The following PTBP2 variants were observed in gnomAD, a reference collection of about 807,000 sequenced individuals.
PTBP2 encodes the protein polypyrimidine tract-binding protein 2.
In PTBP2, 13 loss-of-function variants were observed where a neutral mutation model predicts 61.4. The ratio of observed to expected loss-of-function variants is 0.21; its 90% CI spans 0.14 to 0.34. The LOEUF (loss-of-function observed/expected upper bound fraction) is 0.34. Among genes scored for constraint, PTBP2 ranks in the 10% least tolerant of loss-of-function variants. PTBP2 has a pLI of 1.00. For missense variants in PTBP2, 405 were observed against 642.6 expected (o/e 0.63, Z 4.00); for synonymous variants, 215 against 218.5 (o/e 0.98, Z 0.14).
At chr1:96,796,656 A>G (rs901206346) in intron 8 of PTBP2, among the ~76,000 whole-genome samples, 2 of 152,184 alleles carry the variant, frequency 1.3e-5, no homozygotes, top group African/African-American at 4.8e-5. Context: ...CCCAGATGAA[A>G]GCATAGACAG....
intron 11 of PTBP2, among the ~76,000 whole-genome samples, chr1:96,809,027 T>C (rs538653868): frequency 6.6e-6 from 1 of 152,272 alleles, no homozygotes; most frequent in South Asian, 2.1e-4. Flanking sequence ...AAAACTTAAA[T>C]ACCTTTATTA....
At chr1:96,804,176 C>A (rs1557773569) in intron 8 of PTBP2, among the ~76,000 whole-genome samples, 1 of 152,068 alleles carries the variant, frequency 6.6e-6, no homozygotes, top group African/African-American at 2.4e-5. Context: ...TTCTTTCAAC[C>A]GGGAGAGTGT....
intron 3 of PTBP2, among the ~76,000 whole-genome samples, chr1:96,761,346 ATGTGTGTGTGTGTGTGTGTGTGTGTGTG>A (rs57451223): frequency 7.1e-6 from 1 of 140,480 alleles, no homozygotes; most frequent in African/African-American, 2.6e-5. Context: ...GTGGGATTTG[ATGTGTGTGTGTGTGTGTGTGTGTGTGTG>A]TGTGTGTGTG....
rs114464149 is a variant in PTBP2 at position 96,761,061 on chromosome 1, G to T, written c.116-8642G>T. 3.0e-3 allele frequency among the ~76,000 whole-genome samples: 458 copies of T among 152,294 alleles called. 3 individuals carry two copies. Among genetic ancestry groups the T allele is most frequent in the Non-Finnish European group, 5.7e-3 (386 of 68,026 alleles). The stretch of plus-strand genomic sequence containing the variant: ...CCAGACAGACCTGAAAGAGTACATA[G>T]TGTGATTCCATTTCTTGAAAGTTTA... On this transcript the variant is annotated intron_variant, in intron 3 of 13. Coordinates refer to ENST00000674951, the MANE Select transcript of PTBP2 (RefSeq NM_021190.4).
At chr1:96,801,715 GC>G (rs1661012806) in intron 8 of PTBP2, among the ~76,000 whole-genome samples, 1 of 151,698 alleles carries the variant, frequency 6.6e-6, no homozygotes, top group Non-Finnish European at 1.5e-5. Flanking sequence ...ACAAAAATTA[GC>G]CAGGCATGGT....
chr1:96,741,138 G>T (rs1652956417), intron 2 of PTBP2, among the ~76,000 whole-genome samples: 2 of 151,242 alleles, frequency 1.3e-5, no homozygotes, highest in Non-Finnish European at 2.9e-5. Context: ...GATATCTTGT[G>T]GTTTTAATTT....
Position 96,736,694 on chromosome 1 carries a change from CT to C in PTBP2, c.39+13107del, listed in dbSNP as rs559395818. On this transcript the variant is annotated intron_variant, in intron 2 of 13. Coordinates refer to ENST00000674951, the MANE Select transcript of PTBP2 (RefSeq NM_021190.4). Reference sequence around the variant, plus strand: ...TTGCCTTTTCCTCTTTTTTCCTTTCCTTTTTTTAAGATAGGGTCTTGCTCTG... The same window carrying C: ...TTGCCTTTTCCTCTTTTTTCCTTTCCTTTTTTAAGATAGGGTCTTGCTCTG... 2.9e-3 allele frequency among the ~76,000 whole-genome samples: 442 copies of C among 152,008 alleles called. 2 individuals are homozygous for C. The highest frequency in any genetic ancestry group is 0.01 in the African/African-American group (432 of 41,476).
intron 8 of PTBP2, among the ~76,000 whole-genome samples, chr1:96,790,269 C>CTT (rs1257294576): frequency 7.1e-6 from 1 of 141,614 alleles, no homozygotes; most frequent in Non-Finnish European, 1.5e-5. Context: ...GATTTAGAGC[C>CTT]TTTTTTTTTT....
At chr1:96,733,585 C>T (rs1557687871) in intron 2 of PTBP2, among the ~76,000 whole-genome samples, 1 of 151,992 alleles carries the variant, frequency 6.6e-6, no homozygotes, top group Non-Finnish European at 1.5e-5. Context: ...GAGGCTGAGA[C>T]AAGAGGATCA....
intron 8 of PTBP2, among the ~76,000 whole-genome samples, chr1:96,801,475 G>A (rs1660989541): frequency 6.6e-6 from 1 of 152,280 alleles, no homozygotes; most frequent in East Asian, 1.9e-4. Context: ...ATACTAAAGT[G>A]TATTTTGCCT....
chr1:96,807,821 G>C (rs1661646962), intron 11 of PTBP2, among the ~76,000 whole-genome samples: 1 of 152,202 alleles, frequency 6.6e-6, no homozygotes, highest in Non-Finnish European at 1.5e-5. Flanking sequence ...CAACTCAGAT[G>C]AGGTATAAAA....
At chr1:96,807,507 A>G (rs1174177602) in intron 11 of PTBP2, among the ~76,000 whole-genome samples, 1 of 152,240 alleles carries the variant, frequency 6.6e-6, no homozygotes, top group Non-Finnish European at 1.5e-5. Context: ...TTGACTTCAT[A>G]CATCCTCGAA....
intron 7 of PTBP2, among the ~76,000 whole-genome samples, chr1:96,784,258 T>C (rs1241699143): frequency 6.6e-6 from 1 of 152,076 alleles, no homozygotes; most frequent in East Asian, 1.9e-4. Flanking sequence ...TAATTCATGA[T>C]GTATTTTCAC....
intron 2 of PTBP2, among the ~76,000 whole-genome samples, chr1:96,730,012 C>A (rs937910895): frequency 1.3e-5 from 2 of 152,156 alleles, no homozygotes; most frequent in African/African-American, 2.4e-5. Flanking sequence ...CAGGCGTGAG[C>A]CACTGCGCCC....
chr1:96,751,388 A>C, intron 2 of PTBP2, 37 bp from the exon 3 acceptor site: 1 of 1,463,688 alleles, frequency 6.8e-7, no homozygotes, highest in Non-Finnish European at 9.6e-7. Context: ...TTTTAAATTT[A>C]AAGATGTCTT....
chr1:96,793,607 G>A (rs892364460), intron 8 of PTBP2, among the ~76,000 whole-genome samples: 3 of 152,030 alleles, frequency 2.0e-5, no homozygotes, highest in Non-Finnish European at 4.4e-5. Context: ...TCCTGACCTC[G>A]TGATCCGCCC....
chr1:96,733,497 A>G (rs969954910), intron 2 of PTBP2, among the ~76,000 whole-genome samples: 2 of 152,070 alleles, frequency 1.3e-5, no homozygotes, highest in African/African-American at 4.8e-5. Context: ...TGGTCCTCAT[A>G]GCAAGACCCC....
chr1:96,743,604 GTT>G (rs1270434582), intron 2 of PTBP2, among the ~76,000 whole-genome samples: 3 of 151,946 alleles, frequency 2.0e-5, no homozygotes, highest in African/African-American at 7.3e-5. Context: ...TCCATCAACT[GTT>G]TGGTCATACG....
intron 3 of PTBP2, among the ~76,000 whole-genome samples, chr1:96,764,434 C>T (rs1314463931): frequency 6.6e-6 from 1 of 152,124 alleles, no homozygotes; most frequent in Admixed American, 6.5e-5. Context: ...CTTTAATTTT[C>T]TAGTGATTTC....
Sources: gnomAD v4.1 joint callset for allele counts (sites outside exome capture counted in the v4.1 genomes callset) on GRCh38, gnomAD v4.1.1 for gene constraint, MANE v1.5 for transcripts, NCBI Gene and HGNC (gene_info 2026-07-23, HGNC 2026-07-21) for gene names.